Variants in IGFBP7 observed in about 807,000 individuals in gnomAD.
IGFBP7 encodes the protein insulin-like growth factor-binding protein 7.
Under a neutral mutation model 29.4 loss-of-function variants are expected in IGFBP7, and 31 were observed. The observed-to-expected ratio is 1.05, with a 90% CI of 0.79 to 1.42. The LOEUF (loss-of-function observed/expected upper bound fraction) is 1.42. Among genes scored for constraint, IGFBP7 ranks in the 40% most tolerant of loss-of-function variants. IGFBP7 has a pLI of 0.00. For missense variants in IGFBP7, 393 were observed against 395.5 expected, an observed-to-expected ratio of 0.99 and a Z score of 0.05; for synonymous variants, 172 against 174.9, an observed-to-expected ratio of 0.98 and a Z score of 0.13.
Position 57,073,480 on chromosome 4 carries a change from A to G in IGFBP7, c.476-32547T>C, listed in dbSNP as rs138436531. Among the ~76,000 whole-genome samples the G allele has an allele frequency of 2.9e-3, 436 of 152,076 alleles. 1 individual carries two copies. The highest frequency in any genetic ancestry group is 0.01 in the African/African-American group (425 of 41,464). On this transcript the variant is annotated intron_variant, in intron 1 of 4. Transcript: ENST00000295666. Reference sequence around the variant, plus strand: ...CATGGTGGTGTGTGCCTGTAGTTCCAGCTACTCAGGGGACTGAGGTGGGAG... The same window carrying G: ...CATGGTGGTGTGTGCCTGTAGTTCCGGCTACTCAGGGGACTGAGGTGGGAG...
At position 57,073,100 on chromosome 4, in the gene IGFBP7, T is replaced by C. The variant is rs1443471055; in HGVS notation, c.476-32167A>G. The C allele has an allele frequency of 3.1e-6, 5 of 1,590,800 alleles. No homozygotes were observed. The East Asian group carries it at 1.1e-4, about 36-fold the overall frequency. On this transcript the variant is annotated intron_variant, in intron 1 of 4. Transcript: ENST00000295666. The stretch of plus-strand genomic sequence containing the variant: ...TTTTAAGAAGCACCTGCAAGAAACC[T>C]ACTTAAAGCAGGTCACCAGCCAGGA...
At chr4:57,049,359 C>T (rs1220181445) in intron 1 of IGFBP7, among the ~76,000 whole-genome samples, 2 of 152,180 alleles carry the variant, frequency 1.3e-5, no homozygotes, top group Non-Finnish European at 2.9e-5. Flanking sequence ...TCGTTGCTTT[C>T]TCATTTGCCC....
At chr4:57,050,874 C>T (rs1247906313) in intron 1 of IGFBP7, among the ~76,000 whole-genome samples, 1 of 152,084 alleles carries the variant, frequency 6.6e-6, no homozygotes, top group Non-Finnish European at 1.5e-5. Context: ...TGAGTACATG[C>T]TAACATGGCT....
chr4:57,034,433 T>C (rs1002227456), intron 2 of IGFBP7, among the ~76,000 whole-genome samples: 2 of 152,112 alleles, frequency 1.3e-5, no homozygotes, highest in Admixed American at 6.6e-5. Flanking sequence ...TTTATTGATA[T>C]TACCTTTGTA....
In IGFBP7 at chr4:57,110,071, C is replaced by A. The variant is rs1394912928; in HGVS notation, c.281G>T (p.Arg94Leu). The A allele has an allele frequency of 6.4e-7, 1 of 1,558,950 alleles. No homozygotes were observed. The highest frequency in any genetic ancestry group is 1.8e-5 in the Admixed American group (1 of 54,372). Residue 94 changes from arginine to leucine, a missense_variant, in exon 1 of 5, where the codon CGG becomes CTG. Transcript: ENST00000295666. Reference protein sequence around the residue: ...GMECVKSRKRRKGKAGAAAGG... With the variant: ...GMECVKSRKRLKGKAGAAAGG... ...GGCTGCTGCCCCGGCTTTACCCTTC[C>A]GCCTCTTGCGGCTCTTCACGCACTC...
intron 1 of IGFBP7, among the ~76,000 whole-genome samples, chr4:57,060,323 G>C (rs1456986196): frequency 1.3e-5 from 2 of 152,138 alleles, no homozygotes; most frequent in African/African-American, 4.8e-5. Flanking sequence ...TAACTCACCA[G>C]ATCAACTCAA....
intron 1 of IGFBP7, among the ~76,000 whole-genome samples, chr4:57,065,148 T>A (rs529521193): frequency 2.0e-4 from 30 of 152,216 alleles, no homozygotes; most frequent in Non-Finnish European, 4.1e-4. Flanking sequence ...TGGGGAGAAC[T>A]CCCCATGTGG....
chr4:57,083,427 TTA>T (rs1255489118), intron 1 of IGFBP7, among the ~76,000 whole-genome samples: 1 of 152,244 alleles, frequency 6.6e-6, no homozygotes, highest in Non-Finnish European at 1.5e-5. Flanking sequence ...CTTCACATGT[TTA>T]ATGGCCACTT....
In IGFBP7 at chr4:57,032,529, A is replaced by G. The variant is rs747492345; in HGVS notation, c.726T>C (p.Asp242=). ...ATGCATGGCACTCATATTCTCCAGC[A>G]TCTTCCTTACTTAGAGGAGATACCT... ...WVLVSPLSKE[D]AGEYECHASN... Residue 242 remains aspartate, a synonymous_variant, in exon 4 of 5, where the codon GAT becomes GAC. Transcript: ENST00000295666. 1 of 1,613,890 alleles carries G rather than the reference A, an allele frequency of 6.2e-7. No individual in the cohort carries two copies. The highest frequency in any genetic ancestry group is 1.3e-5 in the African/African-American group (1 of 74,926).
At chr4:57,083,734 GTGAA>G (rs1459038005) in intron 1 of IGFBP7, among the ~76,000 whole-genome samples, 2 of 152,204 alleles carry the variant, frequency 1.3e-5, no homozygotes, top group Non-Finnish European at 2.9e-5. Context: ...TCATGAATGG[GTGAA>G]TGAATAAGTA....
intron 1 of IGFBP7, among the ~76,000 whole-genome samples, chr4:57,047,410 G>A (rs1289142705): frequency 6.6e-6 from 1 of 152,144 alleles, no homozygotes; most frequent in Non-Finnish European, 1.5e-5. Context: ...TCTCGGGTAT[G>A]TATTTATTAG....
At chr4:57,039,925 C>T (rs11573115) in intron 2 of IGFBP7, among the ~76,000 whole-genome samples, 13,733 of 123,918 alleles carry the variant, frequency 0.11, 692 homozygotes, top group Middle Eastern at 0.12. Context: ...TGCACCCAGC[C>T]TCACACTTTT....
At chr4:57,099,526 T>C (rs1305128694) in intron 1 of IGFBP7, among the ~76,000 whole-genome samples, 5 of 152,142 alleles carry the variant, frequency 3.3e-5, no homozygotes, top group East Asian at 1.9e-4. Context: ...TGAAAGCAAA[T>C]ACTTGAGCAT....
chr4:57,103,593 T>C (rs6832133), intron 1 of IGFBP7, among the ~76,000 whole-genome samples: 147,027 of 150,858 alleles, frequency 0.97, 71,771 homozygotes, highest in Non-Finnish European at 1. Context: ...TCATACACTT[T>C]TTTGTGTGTG....
intron 1 of IGFBP7, among the ~76,000 whole-genome samples, chr4:57,099,386 T>TA (rs1275974926): frequency 2.0e-5 from 3 of 152,250 alleles, no homozygotes; most frequent in Non-Finnish European, 4.4e-5. Context: ...TGCTTCAATT[T>TA]AAAAAAATGC....
At chr4:57,036,056 GA>G (rs1258729333) in intron 2 of IGFBP7, among the ~76,000 whole-genome samples, 1 of 152,082 alleles carries the variant, frequency 6.6e-6, no homozygotes, top group Non-Finnish European at 1.5e-5. Flanking sequence ...GGAAACAACA[GA>G]AAAAATACAG....
chr4:57,086,246 T>C (rs1001289254), intron 1 of IGFBP7, among the ~76,000 whole-genome samples: 35 of 152,182 alleles, frequency 2.3e-4, no homozygotes, highest in African/African-American at 7.0e-4. Context: ...CCTGCCTCCA[T>C]GATTCAATGA....
intron 1 of IGFBP7, among the ~76,000 whole-genome samples, chr4:57,054,387 C>A (rs1353715656): frequency 6.6e-6 from 1 of 152,072 alleles, no homozygotes; most frequent in Non-Finnish European, 1.5e-5. Flanking sequence ...GTAATCCCAG[C>A]ACTTTGGGAG....
At position 57,041,403 on chromosome 4, in the gene IGFBP7, C is replaced by G. The variant is rs59659580; in HGVS notation, c.476-470G>C. On this transcript the variant is annotated intron_variant, in intron 1 of 4. Coordinates refer to ENST00000295666, the MANE Select transcript of IGFBP7 (RefSeq NM_001553.3). ...TTTGAAAATGTGCTAAGCACCCAGACAAGATGGAAGTCTCTGCCTCAAGAA... is the reference window on the plus strand; with the variant it reads ...TTTGAAAATGTGCTAAGCACCCAGAGAAGATGGAAGTCTCTGCCTCAAGAA... Among the ~76,000 whole-genome samples the G allele has an allele frequency of 4.3e-3, 654 of 152,232 alleles. 3 individuals are homozygous for G. The highest frequency in any genetic ancestry group is 7.5e-3 in the Non-Finnish European group (507 of 68,032).
Sources: allele counts gnomAD v4.1 joint callset (sites outside exome capture counted in the v4.1 genomes callset), GRCh38; gene constraint gnomAD v4.1.1; transcripts MANE v1.5; gene names NCBI Gene and HGNC (gene_info 2026-07-23, HGNC 2026-07-21).